The following CDR2 variants were observed in gnomAD, a reference collection of about 807,000 sequenced individuals.
CDR2 encodes the protein cerebellar degeneration related protein 2, also known as cerebellar degeneration-related protein 2.
CDR2 carries 34 observed loss-of-function variants against 48.4 expected under a neutral mutation model. The observed-to-expected ratio is 0.70, with a 90% CI of 0.53 to 0.94. The LOEUF (loss-of-function observed/expected upper bound fraction) is 0.94. CDR2 is among the 40% of genes least tolerant of loss of function. The pLI is 0.00. For missense variants in CDR2, 498 were observed against 549.5 expected (o/e 0.91, Z 0.94); for synonymous variants, 240 against 219.7 (o/e 1.09, Z -0.82).
Position 22,346,330 on chromosome 16 carries a change from T to A in CDR2, c.*635A>T, listed in dbSNP as rs1441503790. The A allele has an allele frequency of 6.5e-6, 1 of 153,330 alleles. No homozygotes were observed. Among genetic ancestry groups the A allele is most frequent in the Non-Finnish European group, 1.5e-5 (1 of 68,548 alleles). 9.5% of individuals were successfully genotyped at this position (153,330 alleles called of 1,614,324 possible). A position where few individuals can be genotyped will look rare whatever the true frequency, so the allele number is the denominator to read the frequency against. ...CTAGGGCATATGCTAACAAGCTAAC[T>A]TATATCAAACAAAAATTTGCCATCT... On this transcript the variant is annotated 3_prime_UTR_variant, in exon 5 of 5. Coordinates refer to ENST00000268383, the MANE Select transcript of CDR2 (RefSeq NM_001802.2).
chr16:22,361,933 G>C (rs1392410764), intron 2 of CDR2, among the ~76,000 whole-genome samples: 1 of 122,570 alleles, frequency 8.2e-6, no homozygotes. Flanking sequence ...ATGGAGTCTC[G>C]CTCTGTCACC....
intron 2 of CDR2, among the ~76,000 whole-genome samples, chr16:22,360,738 TC>T (rs1342391678): frequency 4.0e-4 from 54 of 134,490 alleles, no homozygotes; most frequent in African/African-American, 1.5e-3. Context: ...AAAAAAATGA[TC>T]TTTTTTTTTT....
chr16:22,370,203 T>C (rs2049067101), intron 1 of CDR2, among the ~76,000 whole-genome samples: 1 of 152,224 alleles, frequency 6.6e-6, no homozygotes, highest in South Asian at 2.1e-4. Context: ...TTTTTCCTAT[T>C]ACAAAGTCAA....
At position 22,351,926 on chromosome 16, in the gene CDR2, T is replaced by C. The variant is rs1047699232; in HGVS notation, c.193-2077A>G. ...GTTTGAAGCTTACTGATGATCAAAC[T>C]GTAAAAGACTCAGAACTTGACTTTA... On this transcript the variant is annotated intron_variant, in intron 2 of 4. Transcript: ENST00000268383. 2.6e-5 allele frequency among the ~76,000 whole-genome samples: 4 copies of C among 152,280 alleles called. No individual in the cohort carries two copies. The East Asian group carries it at 5.8e-4, about 22-fold the overall frequency.
chr16:22,373,011 T>C (rs549477568), intron 1 of CDR2, among the ~76,000 whole-genome samples: 6 of 152,250 alleles, frequency 3.9e-5, no homozygotes, highest in Admixed American at 2.0e-4. Flanking sequence ...CCTGGAAAAA[T>C]TCCTGAGGAT....
At chr16:22,360,739 CTTTTTTTTTTTTTTTTTT>C (rs201976962) in intron 2 of CDR2, among the ~76,000 whole-genome samples, 7 of 74,128 alleles carry the variant, frequency 9.4e-5, no homozygotes, top group African/African-American at 2.4e-4. Context: ...AAAAAATGAT[CTTTTTTTTTTTTTTTTTT>C]TTTTTTTTTT....
chr16:22,347,923 T>A (rs2048918564), intron 4 of CDR2, 100 bp from the exon 5 acceptor site: 1 of 1,167,752 alleles, frequency 8.6e-7, no homozygotes, highest in Non-Finnish European at 1.2e-6. Flanking sequence ...TTTGAGGAGC[T>A]GTGACAGTGA....
intron 3 of CDR2, 77 bp downstream of exon 3, chr16:22,349,624 C>T: frequency 4.7e-6 from 7 of 1,505,232 alleles, no homozygotes; most frequent in Non-Finnish European, 6.4e-6. Flanking sequence ...CCCAAACCCA[C>T]TGCAGCCATG....
At chr16:22,363,915 A>C (rs1438211489) in intron 2 of CDR2, among the ~76,000 whole-genome samples, 1 of 152,154 alleles carries the variant, frequency 6.6e-6, no homozygotes, top group East Asian at 1.9e-4. Flanking sequence ...TTAGTTTGTT[A>C]AGCTGGGCAA....
chr16:22,374,235 C>T lies in CDR2; in HGVS notation c.75G>A (p.Gln25=). 6.3e-7 allele frequency: 1 copy of T among 1,598,124 alleles called. No homozygotes were observed. The highest frequency in any genetic ancestry group is 8.5e-7 in the Non-Finnish European group (1 of 1,172,286). ...DEPWYDHQDL[Q]QDLQLAAELG... ...GCGGGGCGCCCCCGCCCTCACCTTG[C>T]TGGAGGTCCTGGTGGTCGTACCACG... The change falls in exon 1 of 5, where the codon CAG becomes CAA. Residue 25 remains glutamine (Q), a synonymous_variant. Coordinates refer to ENST00000268383, the MANE Select transcript of CDR2 (RefSeq NM_001802.2).
intron 1 of CDR2, among the ~76,000 whole-genome samples, chr16:22,366,783 G>C (rs139090019): frequency 6.6e-6 from 1 of 152,252 alleles, no homozygotes; most frequent in East Asian, 1.9e-4. Flanking sequence ...TCCGGCTGCT[G>C]TTATACAGGG....
At position 22,349,628 on chromosome 16, in the gene CDR2, A is replaced by C. The variant is rs180932306; in HGVS notation, c.341+73T>G. On this transcript the variant is annotated intron_variant, in intron 3 of 4. Transcript: ENST00000268383. ...TCCCATATTGACCCAAACCCACTGCAGCCATGTTCTATTCTAGTTTATACT... is the reference window on the plus strand; with the variant it reads ...TCCCATATTGACCCAAACCCACTGCCGCCATGTTCTATTCTAGTTTATACT... 3.5e-4 allele frequency: 534 copies of C among 1,510,706 alleles called. 2 individuals are homozygous for C. In the African/African-American group the frequency reaches 6.9e-3, roughly 20 times the overall value. 93.6% of individuals were successfully genotyped at this position (1,510,706 alleles called of 1,614,324 possible).
chr16:22,349,509 G>C, intron 3 of CDR2, 66 bp from the exon 4 acceptor site: 7 of 1,570,350 alleles, frequency 4.5e-6, no homozygotes, highest in Non-Finnish European at 6.1e-6. Flanking sequence ...GCGGTGAGGA[G>C]AGATTAGGTG....
chr16:22,356,727 T>C lies in CDR2; in HGVS notation c.193-6878A>G, dbSNP rs377417013. Among the ~76,000 whole-genome samples, 4 of 152,024 alleles carry C rather than the reference T, an allele frequency of 2.6e-5. No homozygotes were observed. In the East Asian group the frequency reaches 7.8e-4, roughly 29 times the overall value. ...GAGATCACGCCACTGCACTCCAGCCTGGGGGACAAGAGCAAGACTTTGTCT... is the reference window on the plus strand; with the variant it reads ...GAGATCACGCCACTGCACTCCAGCCCGGGGGACAAGAGCAAGACTTTGTCT... On this transcript the variant is annotated intron_variant, in intron 2 of 4. Transcript: ENST00000268383.
intron 1 of CDR2, among the ~76,000 whole-genome samples, chr16:22,373,779 G>A (rs4783460): frequency 2.0e-5 from 3 of 152,318 alleles, no homozygotes; most frequent in South Asian, 2.1e-4. Context: ...CACAGCTCCC[G>A]CTACGCCGCA....
chr16:22,361,443 T>TAAAG, intron 2 of CDR2, among the ~76,000 whole-genome samples: 1 of 152,356 alleles, frequency 6.6e-6, no homozygotes, highest in Admixed American at 6.5e-5. Context: ...AAGTAGGCTC[T>TAAAG]TTAGCTGCCT....
At chr16:22,349,193 T>A in intron 4 of CDR2, 86 bp downstream of exon 4, 2 of 1,412,806 alleles carry the variant, frequency 1.4e-6, no homozygotes, top group South Asian at 2.5e-5. Context: ...TTTCTTAAAA[T>A]GGTACTTTCA....
chr16:22,369,760 C>G (rs893548601), intron 1 of CDR2, among the ~76,000 whole-genome samples: 2 of 151,154 alleles, frequency 1.3e-5, no homozygotes, highest in African/African-American at 2.4e-5. Context: ...AGGCCAAAAG[C>G]TGGCAGTAAG....
rs1215602649 is a variant in CDR2, at chr16:22,346,805, T to C, written c.*160A>G. The C allele has an allele frequency of 1.0e-5, 8 of 785,844 alleles. No individual in the cohort carries two copies. Among genetic ancestry groups the C allele is most frequent in the Admixed American group, 2.3e-5 (1 of 43,074 alleles). 48.7% of individuals were successfully genotyped at this position (785,844 alleles called of 1,614,324 possible). A position where few individuals can be genotyped will look rare whatever the true frequency, so the allele number is the denominator to read the frequency against. ...AAGTGGATCAGAGAACTGATACCAC[T>C]AGCCACCTCCTTTCCTCGTTGTATG... On this transcript the variant is annotated 3_prime_UTR_variant, in exon 5 of 5. Transcript: ENST00000268383.
Sources: allele counts gnomAD v4.1 joint callset (sites outside exome capture counted in the v4.1 genomes callset), GRCh38; gene constraint gnomAD v4.1.1; transcripts MANE v1.5; gene names NCBI Gene and HGNC (gene_info 2026-07-23, HGNC 2026-07-21).